Variants in LRMDA observed in about 807,000 individuals in gnomAD.
LRMDA encodes leucine rich melanocyte differentiation associated.
A neutral mutation model predicts 29.8 loss-of-function variants in LRMDA; 18 were observed. That is an observed-to-expected ratio of 0.60 (90% CI 0.42 to 0.90). LRMDA has a LOEUF of 0.90. LRMDA is among the 40% of genes least tolerant of loss of function. LRMDA has a pLI of 0.00. For missense variants in LRMDA, 273 were observed against 273.9 expected, an observed-to-expected ratio of 1.00 and a Z score of 0.02; for synonymous variants, 125 against 109.4, an observed-to-expected ratio of 1.14 and a Z score of -0.89.
At chr10:75,837,287 G>T (rs1195264375) in intron 2 of LRMDA, among the ~76,000 whole-genome samples, 1 of 152,164 alleles carries the variant, frequency 6.6e-6, no homozygotes, top group Non-Finnish European at 1.5e-5. Flanking sequence ...CTGTATTTCA[G>T]AGAAGAGGAT....
At chr10:75,744,010 C>T (rs759270983) in intron 2 of LRMDA, among the ~76,000 whole-genome samples, 3 of 152,138 alleles carry the variant, frequency 2.0e-5, no homozygotes, top group Non-Finnish European at 4.4e-5. Flanking sequence ...AAAGTTGAAC[C>T]ACTAGGGTGT....
chr10:75,502,665 A>G (rs1845126396), intron 2 of LRMDA, among the ~76,000 whole-genome samples: 2 of 151,966 alleles, frequency 1.3e-5, no homozygotes, highest in South Asian at 4.2e-4. Flanking sequence ...GCTTAAGTTT[A>G]CTCTTGCTGT....
intron 5 of LRMDA, among the ~76,000 whole-genome samples, chr10:76,315,403 C>G (rs1403354641): frequency 6.6e-6 from 1 of 152,220 alleles, no homozygotes; most frequent in Non-Finnish European, 1.5e-5. Flanking sequence ...TGGGAAGCCC[C>G]TGCCCCAGCG....
intron 2 of LRMDA, among the ~76,000 whole-genome samples, chr10:75,566,666 A>G (rs1307016325): frequency 6.6e-6 from 1 of 151,818 alleles, no homozygotes; most frequent in African/African-American, 2.4e-5. Context: ...TTTGCTGGCC[A>G]TTTCTTCCCC....
At chr10:75,900,661 A>G (rs1032356663) in intron 2 of LRMDA, among the ~76,000 whole-genome samples, 5 of 152,156 alleles carry the variant, frequency 3.3e-5, no homozygotes, top group East Asian at 1.9e-4. Context: ...ATGGCCTTTC[A>G]TGTACCCACA....
intron 2 of LRMDA, among the ~76,000 whole-genome samples, chr10:76,006,683 G>A (rs368207747): frequency 5.9e-5 from 9 of 152,176 alleles, no homozygotes; most frequent in Admixed American, 3.3e-4. Context: ...TTAGTCAGTC[G>A]CTCTGACTTT....
intron 2 of LRMDA, among the ~76,000 whole-genome samples, chr10:75,597,796 A>T (rs1358615361): frequency 6.6e-6 from 1 of 152,224 alleles, no homozygotes; most frequent in Non-Finnish European, 1.5e-5. Flanking sequence ...TGTCAAGGGA[A>T]GCTTTTTCTG....
At chr10:75,481,221 G>C (rs1844852716) in intron 2 of LRMDA, among the ~76,000 whole-genome samples, 1 of 152,074 alleles carries the variant, frequency 6.6e-6, no homozygotes, top group Non-Finnish European at 1.5e-5. Context: ...GTTGGGTGGG[G>C]CAGTTTAGCG....
rs1564630466 is a variant in LRMDA at position 76,014,128 on chromosome 10, A to AT, written c.132-21879dup. On this transcript the variant is annotated intron_variant, in intron 2 of 6. Coordinates refer to ENST00000611255, the MANE Select transcript of LRMDA (RefSeq NM_001305581.2). ...AAAGTATATATATATATATATAATT[A>AT]TATATATATATATATAATTATATAT... Among the ~76,000 whole-genome samples the AT allele has an allele frequency of 2.9e-3, 278 of 94,808 alleles. 1 individual carries two copies. Among genetic ancestry groups the AT allele is most frequent in the African/African-American group, 0.012 (264 of 22,472 alleles). The allele number at this position is 94,808 out of a possible 152,430, so 62.2% of individuals were successfully genotyped here.
At chr10:76,264,585 C>T (rs1375731099) in intron 5 of LRMDA, among the ~76,000 whole-genome samples, 1 of 152,098 alleles carries the variant, frequency 6.6e-6, no homozygotes, top group Non-Finnish European at 1.5e-5. Flanking sequence ...CAATTCAGCA[C>T]TACAGATTTT....
chr10:75,451,201 C>G (rs1038634370), intron 2 of LRMDA: 51 of 152,200 alleles, frequency 3.4e-4, no homozygotes, highest in African/African-American at 1.1e-3. Context: ...GAAACTGTCA[C>G]GCATTAATAA....
chr10:75,837,043 T>C (rs1844449692), intron 2 of LRMDA, among the ~76,000 whole-genome samples: 1 of 152,162 alleles, frequency 6.6e-6, no homozygotes, highest in Non-Finnish European at 1.5e-5. Flanking sequence ...TATAAATTAA[T>C]GTCCATAGAA....
chr10:76,301,957 AG>A (rs1840486132), intron 5 of LRMDA, among the ~76,000 whole-genome samples: 1 of 152,196 alleles, frequency 6.6e-6, no homozygotes, highest in African/African-American at 2.4e-5. Flanking sequence ...ATCTAAGAAA[AG>A]GAAATAGCAA....
At chr10:76,418,165 GA>G (rs1466647239) in intron 6 of LRMDA, among the ~76,000 whole-genome samples, 1 of 152,018 alleles carries the variant, frequency 6.6e-6, no homozygotes, top group Non-Finnish European at 1.5e-5. Flanking sequence ...CAACAACAAT[GA>G]AAAAAGATGA....
chr10:76,282,987 A>G (rs1228859626), intron 5 of LRMDA, among the ~76,000 whole-genome samples: 1 of 152,106 alleles, frequency 6.6e-6, no homozygotes, highest in Non-Finnish European at 1.5e-5. Context: ...ACAGAGGGAG[A>G]AAGAGGGGTC....
intron 6 of LRMDA, among the ~76,000 whole-genome samples, chr10:76,439,440 GTTC>G (rs1842278262): frequency 6.6e-6 from 1 of 152,196 alleles, no homozygotes; most frequent in Non-Finnish European, 1.5e-5. Context: ...TGCACAATCT[GTTC>G]TTCTGATTCA....
intron 1 of LRMDA, among the ~76,000 whole-genome samples, chr10:75,436,459 A>G (rs547167485): frequency 5.9e-4 from 89 of 151,722 alleles, no homozygotes; most frequent in African/African-American, 2.1e-3. Context: ...ACAATACAGA[A>G]GAAGCTGCTG....
intron 5 of LRMDA, among the ~76,000 whole-genome samples, chr10:76,115,071 A>G (rs1271738259): frequency 6.6e-6 from 1 of 152,220 alleles, no homozygotes; most frequent in Non-Finnish European, 1.5e-5. Context: ...TAGAGTGACA[A>G]GGAGGCTCCT....
At chr10:75,854,149 A>G (rs1204254586) in intron 2 of LRMDA, among the ~76,000 whole-genome samples, 1 of 152,182 alleles carries the variant, frequency 6.6e-6, no homozygotes, top group African/African-American at 2.4e-5. Context: ...GGAGGAGCTC[A>G]TGCGAATGAG....
Sources: gnomAD v4.1 joint callset for allele counts (sites outside exome capture counted in the v4.1 genomes callset) on GRCh38, gnomAD v4.1.1 for gene constraint, MANE v1.5 for transcripts, NCBI Gene and HGNC (gene_info 2026-07-23, HGNC 2026-07-21) for gene names.